NR2F2: variants seen among roughly 807,000 people sequenced by gnomAD.
NR2F2 encodes the protein nuclear receptor subfamily 2 group F member 2, also known as COUP transcription factor 2.
Under a neutral mutation model 34.8 loss-of-function variants are expected in NR2F2, and 2 were observed. That is an observed-to-expected ratio of 0.06 (90% CI 0.02 to 0.18). The LOEUF (loss-of-function observed/expected upper bound fraction) is 0.18. Ranked by LOEUF, NR2F2 falls within the 10% of genes least tolerant of loss-of-function variation. The pLI is 1.00. For missense variants in NR2F2, 300 were observed against 580.1 expected, an observed-to-expected ratio of 0.52 and a Z score of 4.96; for synonymous variants, 274 against 251.8, an observed-to-expected ratio of 1.09 and a Z score of -0.84.
intron 1 of NR2F2, 96 bp from the exon 2 acceptor site, chr15:96,333,980 G>C: frequency 6.5e-7 from 1 of 1,537,514 alleles, no homozygotes; most frequent in Non-Finnish European, 8.7e-7. Context: ...CTCAGGGCCT[G>C]GGTCAGGTGG....
rs1319655592 is a variant in NR2F2 at position 96,338,774 on chromosome 15, T to C, written c.*1152T>C. On this transcript the variant is annotated 3_prime_UTR_variant, in exon 3 of 3. Coordinates refer to ENST00000394166, the MANE Select transcript of NR2F2 (RefSeq NM_021005.4). ...TTTGTGTGTTATATTCCAAGGAAAA[T>C]TGAAAGTATTCAGAAATTAAAATAT... is the stretch of plus-strand genomic sequence containing the variant. 1 of 152,002 alleles carries C rather than the reference T, an allele frequency of 6.6e-6. No individual in the cohort carries two copies. The highest frequency in any genetic ancestry group is 1.5e-5 in the Non-Finnish European group (1 of 67,988). 9.4% of individuals were successfully genotyped at this position (152,002 alleles called of 1,614,324 possible). A position where few individuals can be genotyped will look rare whatever the true frequency, so the allele number is the denominator to read the frequency against.
upstream of NR2F2, chr15:96,326,211 A>T: frequency 3.1e-6 from 3 of 982,170 alleles, no homozygotes; most frequent in Non-Finnish European, 4.9e-6. The surrounding 1 kb of genome is among the most constrained non-coding windows in gnomAD (Gnocchi z 5.5). Flanking sequence ...CGAGGAGGAG[A>T]TTCTCTTTAA....
rs1596423494 is a variant in NR2F2 at position 96,331,487 on chromosome 15, A to G, written c.-619A>G. 8.1e-7 allele frequency: 1 copy of G among 1,230,550 alleles called. No individual in the cohort carries two copies. Among genetic ancestry groups the G allele is most frequent in the East Asian group, 3.2e-5 (1 of 31,624 alleles). 76.2% of individuals were successfully genotyped at this position (1,230,550 alleles called of 1,614,324 possible). On this transcript the variant is annotated 5_prime_UTR_variant, in exon 1 of 3. Coordinates refer to ENST00000394166, the MANE Select transcript of NR2F2 (RefSeq NM_021005.4). The stretch of plus-strand genomic sequence containing the variant: ...CCTCCTGATTTCGATGGCTTTCCTG[A>G]ATGGCTGACTGTGGGCTGCCCTGGA...
At position 96,331,395 on chromosome 15, in the gene NR2F2, C is replaced by G. The variant is rs1899136790; in HGVS notation, c.-711C>G. ...AGCGCTCCGGCCACTCCGCGGGCCG[C>G]CGGCCTCCGCCCCGGCCTGCCTGGC... On this transcript the variant is annotated 5_prime_UTR_variant, in exon 1 of 3. Coordinates refer to ENST00000394166, the MANE Select transcript of NR2F2 (RefSeq NM_021005.4). 8.1e-7 allele frequency: 1 copy of G among 1,227,666 alleles called. No homozygotes were observed. Among genetic ancestry groups the G allele is most frequent in the East Asian group, 3.2e-5 (1 of 31,444 alleles). The allele number at this position is 1,227,666 out of a possible 1,614,324, so 76.0% of individuals were successfully genotyped here.
Position 96,331,376 on chromosome 15 carries a change from C to T in NR2F2, c.-730C>T, listed in dbSNP as rs1349998936. 49 of 1,223,202 alleles carry T rather than the reference C, an allele frequency of 4.0e-5. No individual in the cohort carries two copies. The highest frequency in any genetic ancestry group is 1.3e-4 in the Admixed American group (3 of 23,350). The allele number at this position is 1,223,202 out of a possible 1,614,324, so 75.8% of individuals were successfully genotyped here. On this transcript the variant is annotated 5_prime_UTR_variant, in exon 1 of 3. Transcript: ENST00000394166. ...GATTCCCCCGGACCCGGGCAGCGCTCCGGCCACTCCGCGGGCCGCCGGCCT... is the reference window on the plus strand; with the variant it reads ...GATTCCCCCGGACCCGGGCAGCGCTTCGGCCACTCCGCGGGCCGCCGGCCT...
At position 96,332,757 on chromosome 15, in the gene NR2F2, CT is replaced by C. The variant is rs753350928; in HGVS notation, c.442+213del. On this transcript the variant is annotated intron_variant, in intron 1 of 2. Coordinates refer to ENST00000394166, the MANE Select transcript of NR2F2 (RefSeq NM_021005.4). The stretch of plus-strand genomic sequence containing the variant: ...CGACTGATTTCCTTCTTTACTCTCT[CT>C]TTGGGCTGTTTCCATTTCCTTTGCA... 1.4e-3 allele frequency: 1,633 copies of C among 1,144,620 alleles called. 5 individuals carry two copies. Among genetic ancestry groups the C allele is most frequent in the Non-Finnish European group, 1.8e-3 (1,520 of 843,482 alleles). 70.9% of individuals were successfully genotyped at this position (1,144,620 alleles called of 1,614,324 possible).
Position 96,337,763 on chromosome 15 carries a change from G to T in NR2F2, c.*141G>T. 1.9e-6 allele frequency: 1 copy of T among 527,702 alleles called. No individual in the cohort carries two copies. Among genetic ancestry groups the T allele is most frequent in the Non-Finnish European group, 2.8e-6 (1 of 361,376 alleles). 32.7% of individuals were successfully genotyped at this position (527,702 alleles called of 1,614,324 possible). A position where few individuals can be genotyped will look rare whatever the true frequency, so the allele number is the denominator to read the frequency against. On this transcript the variant is annotated 3_prime_UTR_variant, in exon 3 of 3. Transcript: ENST00000394166. ...AAGAAGAGAGGGGAAGAATTTAATG[G>T]ACTGTGAATTTCAAAAAAAAAAAAA...
At chr15:96,336,756 T>C (rs936446259) in intron 2 of NR2F2, among the ~76,000 whole-genome samples, 1 of 152,152 alleles carries the variant, frequency 6.6e-6, no homozygotes, top group East Asian at 1.9e-4. Context: ...TTTGCATGGC[T>C]GCCCTTCAAT....
chr15:96,331,091 G>C lies in NR2F2; in HGVS notation c.-1015G>C. The C allele has an allele frequency of 8.2e-7, 1 of 1,226,684 alleles. No homozygotes were observed. Among genetic ancestry groups the C allele is most frequent in the Non-Finnish European group, 1.0e-6 (1 of 986,058 alleles). 76.0% of individuals were successfully genotyped at this position (1,226,684 alleles called of 1,614,324 possible). A position where few individuals can be genotyped will look rare whatever the true frequency, so the allele number is the denominator to read the frequency against. On this transcript the variant is annotated 5_prime_UTR_variant, in exon 1 of 3. Transcript: ENST00000394166. Reference sequence around the variant, plus strand: ...CAGCGGCTCCGGCGGCGGCAGCAGCGGCAGCAGCGACTTCAGCGGCGGCGG... The same window carrying C: ...CAGCGGCTCCGGCGGCGGCAGCAGCCGCAGCAGCGACTTCAGCGGCGGCGG...
chr15:96,328,244 T>C (rs1899043506), upstream of NR2F2, among the ~76,000 whole-genome samples: 1 of 152,208 alleles, frequency 6.6e-6, no homozygotes, highest in Non-Finnish European at 1.5e-5. Flanking sequence ...AGGCTCCAAT[T>C]TGTTAAGATA....
At chr15:96,337,218 T>G in intron 2 of NR2F2, 130 bp from the exon 3 acceptor site, 1 of 1,094,162 alleles carries the variant, frequency 9.1e-7, no homozygotes, top group African/African-American at 1.6e-5. Flanking sequence ...TTGGGGCAGT[T>G]TGACAGAGCT....
chr15:96,330,531 G>T (rs1456273452), upstream of NR2F2, among the ~76,000 whole-genome samples: 2 of 147,598 alleles, frequency 1.4e-5, no homozygotes, highest in Non-Finnish European at 3.0e-5. Flanking sequence ...CCGCCATGGC[G>T]GGGCCGCCGC....
rs1899159861 is a variant in NR2F2 at position 96,331,993 on chromosome 15, C to G, written c.-113C>G. 1.6e-6 allele frequency: 2 copies of G among 1,218,334 alleles called. No individual in the cohort carries two copies. Among genetic ancestry groups the G allele is most frequent in the African/African-American group, 3.2e-5 (2 of 63,230 alleles). The allele number at this position is 1,218,334 out of a possible 1,614,324, so 75.5% of individuals were successfully genotyped here. ...GGGCGCCCTCCCGCGCCCTCTTGCA[C>G]CCTCGCACACACAAAAGGCGGCGCG... On this transcript the variant is annotated 5_prime_UTR_variant, in exon 1 of 3. Coordinates refer to ENST00000394166, the MANE Select transcript of NR2F2 (RefSeq NM_021005.4).
At position 96,338,131 on chromosome 15, in the gene NR2F2, A is replaced by G. The variant is rs1194447607; in HGVS notation, c.*509A>G. ...CTTGGCTTCTTAAAAACTGTGTATC[A>G]TTAAAATATATGTTCTGCAAGAATT... On this transcript the variant is annotated 3_prime_UTR_variant, in exon 3 of 3. Transcript: ENST00000394166. 1 of 152,902 alleles carries G rather than the reference A, an allele frequency of 6.5e-6. No individual in the cohort carries two copies. The highest frequency in any genetic ancestry group is 1.5e-5 in the Non-Finnish European group (1 of 68,274). The allele number at this position is 152,902 out of a possible 1,614,324, so 9.5% of individuals were successfully genotyped here. A position where few individuals can be genotyped will look rare whatever the true frequency, so the allele number is the denominator to read the frequency against.
intron 2 of NR2F2, among the ~76,000 whole-genome samples, chr15:96,336,120 TGCTA>T (rs1899317039): frequency 6.6e-6 from 1 of 152,172 alleles, no homozygotes; most frequent in Non-Finnish European, 1.5e-5. Flanking sequence ...TTGGTATCAT[TGCTA>T]GCTCTTAGCC....
At chr15:96,336,049 CCT>C (rs1378291537) in intron 2 of NR2F2, among the ~76,000 whole-genome samples, 2 of 152,192 alleles carry the variant, frequency 1.3e-5, no homozygotes, top group African/African-American at 2.4e-5. Flanking sequence ...CACCTTCACC[CCT>C]GTCCCACAAC....
chr15:96,333,376 G>A lies in NR2F2; in HGVS notation c.443-700G>A, dbSNP rs911258881. On this transcript the variant is annotated intron_variant, in intron 1 of 2. Transcript: ENST00000394166. ...AGATAACAGCCTGGGCCCGAGCCTC[G>A]CCGGCTTTCCCCGGCCCTTACAGGC... is the stretch of plus-strand genomic sequence containing the variant. The A allele has an allele frequency of 1.4e-3, 1,370 of 1,001,656 alleles. 4 individuals are homozygous for A. The highest frequency in any genetic ancestry group is 1.6e-3 in the Non-Finnish European group (1,343 of 830,308). 62.0% of individuals were successfully genotyped at this position (1,001,656 alleles called of 1,614,324 possible).
chr15:96,334,668 T>A, intron 2 of NR2F2, 65 bp downstream of exon 2: 2 of 1,511,966 alleles, frequency 1.3e-6, no homozygotes, highest in Non-Finnish European at 1.8e-6. Context: ...CCCAGAGAAC[T>A]TGGGAGTCCC....
chr15:96,337,198 C>A, intron 2 of NR2F2, 150 bp from the exon 3 acceptor site: 2 of 679,290 alleles, frequency 2.9e-6, no homozygotes, highest in Non-Finnish European at 2.3e-6. Context: ...GACATTTGCT[C>A]CAACTCCGGT....
Sources: allele counts gnomAD v4.1 joint callset (sites outside exome capture counted in the v4.1 genomes callset), GRCh38; gene constraint gnomAD v4.1.1; non-coding constraint Gnocchi (gnomAD v3.1); transcripts MANE v1.5; gene names NCBI Gene and HGNC (gene_info 2026-07-23, HGNC 2026-07-21).